Variants in PPM1B observed in about 807,000 individuals in gnomAD.
PPM1B encodes protein phosphatase, Mg2+/Mn2+ dependent 1B.
PPM1B carries 22 observed loss-of-function variants against 43.0 expected under a neutral mutation model. That is an observed-to-expected ratio of 0.51 (90% CI 0.37 to 0.73). The LOEUF (loss-of-function observed/expected upper bound fraction) is 0.73, where lower values mean the gene tolerates loss of function less well. PPM1B is among the 30% of genes least tolerant of loss of function. The probability of loss-of-function intolerance (pLI) is 0.00; values close to 1 mark genes in which losing one functional copy is unlikely to be tolerated. For synonymous variants in PPM1B, 217 were observed against 197.9 expected (o/e 1.10, Z -0.81); for missense variants, 632 against 584.2 (o/e 1.08, Z -0.84).
intron 1 of PPM1B, among the ~76,000 whole-genome samples, chr2:44,194,701 C>T (rs532454000): frequency 4.0e-5 from 6 of 150,616 alleles, no homozygotes; most frequent in South Asian, 4.2e-4. Flanking sequence ...CCAGCCTGGG[C>T]GACAGAGGAA....
chr2:44,210,604 T>G (rs187569660), intron 3 of PPM1B, among the ~76,000 whole-genome samples: 13 of 152,126 alleles, frequency 8.5e-5, no homozygotes, highest in African/African-American at 3.1e-4. Flanking sequence ...AGATTCCTTA[T>G]TTGTTTATGT....
chr2:44,202,833 A>G (rs1669003369), intron 2 of PPM1B, among the ~76,000 whole-genome samples: 1 of 152,194 alleles, frequency 6.6e-6, no homozygotes, highest in South Asian at 2.1e-4. Flanking sequence ...AATCCTTTGA[A>G]TATCTTTAAA....
chr2:44,237,444 C>T, downstream of PPM1B, among the ~76,000 whole-genome samples: 1 of 152,170 alleles, frequency 6.6e-6, no homozygotes, highest in East Asian at 1.9e-4. Flanking sequence ...ATTTTACCTG[C>T]AAACACCACT....
At chr2:44,194,024 G>T (rs891236455) in intron 1 of PPM1B, among the ~76,000 whole-genome samples, 3 of 152,052 alleles carry the variant, frequency 2.0e-5, no homozygotes, top group Admixed American at 2.0e-4. Flanking sequence ...GCCTGGTTTT[G>T]TTTATTTGTT....
At chr2:44,195,325 T>G (rs993276692) in intron 1 of PPM1B, among the ~76,000 whole-genome samples, 1 of 152,026 alleles carries the variant, frequency 6.6e-6, no homozygotes, top group Non-Finnish European at 1.5e-5. Context: ...TGCCTCAGCC[T>G]CCCAAGTAGC....
chr2:44,210,806 G>T (rs1174108064), intron 3 of PPM1B, among the ~76,000 whole-genome samples: 1 of 151,930 alleles, frequency 6.6e-6, no homozygotes, highest in East Asian at 1.9e-4. Flanking sequence ...ATAAAACGAA[G>T]ATTACATGAC....
intron 2 of PPM1B, 33 bp downstream of exon 2, chr2:44,202,078 G>A (rs915697090): frequency 6.8e-7 from 1 of 1,472,048 alleles, no homozygotes. Context: ...AAAATAACAT[G>A]TTAATTTTGA....
chr2:44,195,971 C>G (rs556262266), intron 1 of PPM1B, among the ~76,000 whole-genome samples: 14 of 152,284 alleles, frequency 9.2e-5, no homozygotes, highest in African/African-American at 3.4e-4. Flanking sequence ...CCCTCATCAG[C>G]TGCCTATCAT....
chr2:44,194,407 C>G (rs1482626981), intron 1 of PPM1B, among the ~76,000 whole-genome samples: 4 of 152,144 alleles, frequency 2.6e-5, no homozygotes, highest in Non-Finnish European at 5.9e-5. Flanking sequence ...TTGTGGTTTC[C>G]TTGATTTCTG....
In PPM1B at chr2:44,180,542, A is replaced by G. The variant is rs77932990; in HGVS notation, c.-15+11268A>G. Among the ~76,000 whole-genome samples, 1,042 of 152,306 alleles carry G rather than the reference A, an allele frequency of 6.8e-3. 17 individuals are homozygous for G. The highest frequency in any genetic ancestry group is 0.024 in the African/African-American group (978 of 41,558). ...CCAATAGATTTTTAGGTCTCTGCCA[A>G]TTTAATATTTCTGGGAATGTTGAAA... On this transcript the variant is annotated intron_variant, in intron 1 of 5. Coordinates refer to ENST00000282412, the MANE Select transcript of PPM1B (RefSeq NM_002706.6).
chr2:44,224,815 C>T (rs1670140888), intron 5 of PPM1B, among the ~76,000 whole-genome samples: 1 of 152,004 alleles, frequency 6.6e-6, no homozygotes, highest in African/African-American at 2.4e-5. Context: ...ATCAACATAA[C>T]TAGTGTTCTA....
At position 44,179,867 on chromosome 2, in the gene PPM1B, G is replaced by C. The variant is rs185445412; in HGVS notation, c.-15+10593G>C. ...CTACTAAATATACAAAAATTAGCCAGGTGTGGTGGTGGGTGCCTGTAATCC... is the reference window on the plus strand; with the variant it reads ...CTACTAAATATACAAAAATTAGCCACGTGTGGTGGTGGGTGCCTGTAATCC... On this transcript the variant is annotated intron_variant, in intron 1 of 5. Coordinates refer to ENST00000282412, the MANE Select transcript of PPM1B (RefSeq NM_002706.6). Among the ~76,000 whole-genome samples, 582 of 152,140 alleles carry C rather than the reference G, an allele frequency of 3.8e-3. 3 individuals carry two copies. Among genetic ancestry groups the C allele is most frequent in the African/African-American group, 0.014 (562 of 41,498 alleles).
At chr2:44,203,428 G>A (rs1296844051) in intron 2 of PPM1B, among the ~76,000 whole-genome samples, 1 of 151,844 alleles carries the variant, frequency 6.6e-6, no homozygotes, top group Non-Finnish European at 1.5e-5. Context: ...ATAGGCATAT[G>A]TTTGTTGCCT....
At chr2:44,208,604 T>C (rs1274124635) in intron 2 of PPM1B, among the ~76,000 whole-genome samples, 10 of 152,126 alleles carry the variant, frequency 6.6e-5, no homozygotes, top group Non-Finnish European at 1.0e-4. Context: ...TGCCAGCTAC[T>C]CAGGAGGCTG....
At chr2:44,177,542 G>C (rs140415435) in intron 1 of PPM1B, among the ~76,000 whole-genome samples, 1,628 of 149,354 alleles carry the variant, frequency 0.011, 38 homozygotes, top group African/African-American at 0.038. Context: ...TCTCAGCCTC[G>C]TGAGTAGCTG....
chr2:44,234,076 A>G (rs967657023), downstream of PPM1B: 16 of 967,320 alleles, frequency 1.7e-5, no homozygotes, highest in African/African-American at 1.2e-4. Context: ...ACATATTACT[A>G]TTTGGTATGA....
At chr2:44,239,783 C>G (rs192285753) in intron 5 of PPM1B, among the ~76,000 whole-genome samples, 22 of 152,246 alleles carry the variant, frequency 1.4e-4, no homozygotes, top group Admixed American at 3.9e-4. Flanking sequence ...TATTTTCCAT[C>G]CAGCTAGCTA....
chr2:44,236,164 G>A (rs537246184), downstream of PPM1B, among the ~76,000 whole-genome samples: 34 of 152,124 alleles, frequency 2.2e-4, no homozygotes, highest in African/African-American at 7.0e-4. Flanking sequence ...GGCAGGCCAA[G>A]GCGGGCAGAT....
intron 1 of PPM1B, among the ~76,000 whole-genome samples, chr2:44,196,852 C>T (rs1057385553): frequency 6.6e-6 from 1 of 152,098 alleles, no homozygotes; most frequent in Non-Finnish European, 1.5e-5. Context: ...ATCGGAATTT[C>T]CAATTATTAT....
Sources: allele counts gnomAD v4.1 joint callset (sites outside exome capture counted in the v4.1 genomes callset), GRCh38; gene constraint gnomAD v4.1.1; transcripts MANE v1.5; gene names NCBI Gene and HGNC (gene_info 2026-07-23, HGNC 2026-07-21).